Variants in AR observed in about 807,000 individuals in gnomAD.
AR encodes androgen receptor.
In AR, 8 loss-of-function variants were observed where a neutral mutation model predicts 53.9. The ratio of observed to expected loss-of-function variants is 0.15; its 90% confidence interval spans 0.09 to 0.27. The LOEUF is 0.27. Among genes scored for constraint, AR ranks in the 10% least tolerant of loss-of-function variants. The probability of loss-of-function intolerance (pLI) is 1.00; values close to 1 mark genes in which losing one functional copy is unlikely to be tolerated. For missense variants in AR, 639 were observed against 742.5 expected (o/e 0.86, Z 1.62); for synonymous variants, 359 against 316.4 (o/e 1.13, Z -1.43).
At chrX:67,572,804 A>G (rs1243870152) in intron 1 of AR, among the ~76,000 whole-genome samples, 1 of 111,750 alleles carries the variant, frequency 8.9e-6, no homozygotes, top group Non-Finnish European at 1.9e-5. Context: ...TATCATGGGT[A>G]GTCAAAAATA....
chrX:67,627,459 C>T (rs765719399), intron 1 of AR, among the ~76,000 whole-genome samples: 1 of 111,968 alleles, frequency 8.9e-6, no homozygotes, highest in East Asian at 2.8e-4. Flanking sequence ...ATATCCTTCG[C>T]CCACTTTTTG....
intron 1 of AR, among the ~76,000 whole-genome samples, chrX:67,601,071 A>G (rs182084544): frequency 8.9e-6 from 1 of 112,281 alleles, no homozygotes; most frequent in African/African-American, 3.2e-5. Flanking sequence ...TAATACAAAG[A>G]GAAAAGATTA....
At chrX:67,630,756 A>G (rs1301215205) in intron 1 of AR, among the ~76,000 whole-genome samples, 51 of 110,643 alleles carry the variant, frequency 4.6e-4, no homozygotes, top group Admixed American at 4.4e-3. Flanking sequence ...ACATTTTGGC[A>G]TGATTTTGCA....
At chrX:67,719,396 A>G (rs916433823) in intron 5 of AR, among the ~76,000 whole-genome samples, 1 of 111,630 alleles carries the variant, frequency 9.0e-6, no homozygotes, top group Non-Finnish European at 1.9e-5. Flanking sequence ...GAAAAGTGAT[A>G]ATTGGTTGTT....
At chrX:67,680,432 T>C (rs1209003504) in intron 2 of AR, among the ~76,000 whole-genome samples, 2 of 112,456 alleles carry the variant, frequency 1.8e-5, no homozygotes, top group Non-Finnish European at 3.8e-5. Flanking sequence ...TTAGATTTCA[T>C]TGGGAAAGAA....
chrX:67,717,669 C>A (rs2147531358), intron 5 of AR, 47 bp downstream of exon 5: 1 of 1,201,891 alleles, frequency 8.3e-7, no homozygotes, highest in South Asian at 1.8e-5. Flanking sequence ...AGCAGCTTGG[C>A]CAGACCTGGT....
chrX:67,702,558 G>A (rs1023140573), intron 3 of AR, among the ~76,000 whole-genome samples: 5 of 112,042 alleles, frequency 4.5e-5, no homozygotes, highest in Admixed American at 9.4e-5. Context: ...CCAAAGCCCC[G>A]CAGAAATGAT....
At chrX:67,553,792 AT>A (rs1488149314) in intron 1 of AR, among the ~76,000 whole-genome samples, 1 of 112,329 alleles carries the variant, frequency 8.9e-6, no homozygotes, top group Non-Finnish European at 1.9e-5. Flanking sequence ...TAAGTGATTT[AT>A]TTTTTGATAC....
At chrX:67,660,825 A>G (rs936521708) in intron 2 of AR, among the ~76,000 whole-genome samples, 8 of 111,516 alleles carry the variant, frequency 7.2e-5, no homozygotes, top group Non-Finnish European at 1.3e-4. Context: ...TTTTCACAAT[A>G]TTGATTCTTC....
intron 1 of AR, among the ~76,000 whole-genome samples, chrX:67,561,940 T>G (rs921608768): frequency 2.2e-5 from 2 of 89,160 alleles, no homozygotes; most frequent in Non-Finnish European, 4.5e-5. Flanking sequence ...TTTTTTTTTT[T>G]TTTTTTTTTT....
rs763649296 is a variant in AR, at chrX:67,705,195, A to C, written c.1886-6207A>C. ...CAATTCTGTGGAGAAAGTCATTGAT[A>C]GCTTGATGGGGATGGCATTGAATCT... On this transcript the variant is annotated intron_variant, in intron 3 of 7. Transcript: ENST00000374690. Among the ~76,000 whole-genome samples the C allele has an allele frequency of 7.0e-3, 786 of 111,713 alleles. 5 individuals carry two copies. Among genetic ancestry groups the C allele is most frequent in the Non-Finnish European group, 0.011 (582 of 53,097 alleles).
Position 67,726,220 on chromosome X carries a change from G to A in AR, c.*2379G>A. On this transcript the variant is annotated 3_prime_UTR_variant, in exon 8 of 8. Coordinates refer to ENST00000374690, the MANE Select transcript of AR (RefSeq NM_000044.6). ...TGCTGGAGAAAACTAAAGCTGACAG[G>A]TTCCCTTTTTGGGGTGGGATAGACA... is the stretch of plus-strand genomic sequence containing the variant. The A allele has an allele frequency of 5.7e-6, 1 of 175,041 alleles. No homozygotes were observed. The highest frequency in any genetic ancestry group is 1.1e-5 in the Non-Finnish European group (1 of 91,340). The allele number at this position is 175,041 out of a possible 1,213,427, so 14.4% of individuals were successfully genotyped here.
intron 2 of AR, 130 bp from the exon 3 acceptor site, chrX:67,685,880 G>A (rs1201514305): frequency 8.2e-6 from 8 of 972,212 alleles, no homozygotes; most frequent in South Asian, 6.6e-5. Flanking sequence ...ATTGTTTGGT[G>A]CCATACTCTG....
intron 1 of AR, among the ~76,000 whole-genome samples, chrX:67,550,125 A>G (rs1929937524): frequency 8.9e-6 from 1 of 111,944 alleles, no homozygotes. Context: ...GTGGCACCCC[A>G]TTCGGAAGTA....
rs1380739276 is a variant in AR at position 67,546,394 on chromosome X, C to T, written c.1248C>T (p.Gly416=). The T allele has an allele frequency of 1.7e-6, 2 of 1,183,006 alleles. No individual in the cohort carries two copies. Among genetic ancestry groups the T allele is most frequent in the Admixed American group, 2.3e-5 (1 of 42,756 alleles). ...CRYGDLASLH[G]AGAAGPGSGS... ...ATGGGGACCTGGCGAGCCTGCATGG[C>T]GCGGGTGCAGCGGGACCCGGTTCTG... The change falls in exon 1 of 8, where the codon GGC becomes GGT. Residue 416 remains glycine, a synonymous_variant. Coordinates refer to ENST00000374690, the MANE Select transcript of AR (RefSeq NM_000044.6).
chrX:67,559,041 T>G (rs941456593), intron 1 of AR, among the ~76,000 whole-genome samples: 1 of 112,432 alleles, frequency 8.9e-6, no homozygotes, highest in Non-Finnish European at 1.9e-5. Context: ...AATTTTCTTA[T>G]AACAGAAAGT....
At chrX:67,626,859 C>A (rs1318979273) in intron 1 of AR, among the ~76,000 whole-genome samples, 2 of 96,181 alleles carry the variant, frequency 2.1e-5, no homozygotes, top group East Asian at 3.4e-4. Context: ...CAATTCCCAC[C>A]TATGAGTGAG....
In AR at chrX:67,730,509, G is replaced by C. The variant is rs2076175389; in HGVS notation, c.*6668G>C. On this transcript the variant is annotated 3_prime_UTR_variant, in exon 8 of 8. Transcript: ENST00000374690. ...CAGCTAAAACTTGGCCACATCCCCT[G>C]TTATGGCTGCAGGATCGAGTTATTG... The C allele has an allele frequency of 5.8e-6, 1 of 171,745 alleles. No homozygotes were observed. Among genetic ancestry groups the C allele is most frequent in the African/African-American group, 3.0e-5 (1 of 33,687 alleles). The allele number at this position is 171,745 out of a possible 1,213,427, so 14.2% of individuals were successfully genotyped here.
intron 1 of AR, among the ~76,000 whole-genome samples, chrX:67,551,519 C>T (rs767221425): frequency 5.4e-5 from 6 of 111,289 alleles, no homozygotes; most frequent in African/African-American, 2.0e-4. Flanking sequence ...CTTTGTCGTA[C>T]GGAAGAGAAT....
Sources: gnomAD v4.1 joint callset for allele counts (sites outside exome capture counted in the v4.1 genomes callset) on GRCh38, gnomAD v4.1.1 for gene constraint, MANE v1.5 for transcripts, NCBI Gene and HGNC (gene_info 2026-07-23, HGNC 2026-07-21) for gene names.